The following UBXN8 variants were observed in gnomAD, a reference collection of about 807,000 sequenced individuals.
UBXN8 encodes UBX domain-containing protein 8.
Under a neutral mutation model 32.1 loss-of-function variants are expected in UBXN8, and 27 were observed. The observed-to-expected ratio is 0.84, with a 90% CI of 0.62 to 1.16. UBXN8 has a LOEUF of 1.16. Ranked by LOEUF, UBXN8 falls within the 50% of genes most tolerant of loss-of-function variation. The pLI is 0.00. For missense variants in UBXN8, 306 were observed against 311.4 expected (o/e 0.98, Z 0.13); for synonymous variants, 109 against 111.8 (o/e 0.98, Z 0.16).
chr8:30,744,076 C>A (rs1805284185), upstream of UBXN8: 5 of 883,408 alleles, frequency 5.7e-6, no homozygotes, highest in South Asian at 4.5e-5. Flanking sequence ...TCAGTATTTA[C>A]CACGTTATTG....
chr8:30,760,443 AT>A lies in UBXN8; in HGVS notation c.529-430del, dbSNP rs199634258. Reference sequence around the variant, plus strand: ...ATCATATATATATATATATATATATATTTTTTTTTTTTTTTAAAGTGACAGG... The same window carrying A: ...ATCATATATATATATATATATATATATTTTTTTTTTTTTTAAAGTGACAGG... On this transcript the variant is annotated intron_variant, in intron 5 of 7. Transcript: ENST00000265616. Among the ~76,000 whole-genome samples, 114 of 91,098 alleles carry A rather than the reference AT, an allele frequency of 1.3e-3. 1 individual carries two copies. Among genetic ancestry groups the A allele is most frequent in the African/African-American group, 5.2e-3 (101 of 19,552 alleles). 59.8% of individuals were successfully genotyped at this position (91,098 alleles called of 152,430 possible).
intron 5 of UBXN8, among the ~76,000 whole-genome samples, chr8:30,759,042 C>T (rs1439459293): frequency 3.3e-5 from 5 of 150,982 alleles, no homozygotes; most frequent in African/African-American, 7.3e-5. Flanking sequence ...TACAGGTGCC[C>T]GCCACCACGC....
At chr8:30,765,940 G>A (rs1563568030) in intron 7 of UBXN8, among the ~76,000 whole-genome samples, 1 of 150,808 alleles carries the variant, frequency 6.6e-6, no homozygotes, top group Non-Finnish European at 1.5e-5. Context: ...AACCCAGGTG[G>A]TGGAGGTTTC....
chr8:30,759,625 T>A (rs1018171840), intron 5 of UBXN8, among the ~76,000 whole-genome samples: 1 of 151,776 alleles, frequency 6.6e-6, no homozygotes, highest in African/African-American at 2.4e-5. Flanking sequence ...GGCAGTCACC[T>A]AGGAGTGTGA....
At chr8:30,750,894 T>C (rs2128754148) in intron 1 of UBXN8, among the ~76,000 whole-genome samples, 1 of 152,218 alleles carries the variant, frequency 6.6e-6, no homozygotes, top group African/African-American at 2.4e-5. Context: ...ATCTACAGGC[T>C]TTTTTCCCCG....
intron 1 of UBXN8, among the ~76,000 whole-genome samples, chr8:30,747,892 TTC>T (rs1246716966): frequency 5.0e-5 from 6 of 120,840 alleles, no homozygotes; most frequent in East Asian, 4.2e-4. Flanking sequence ...TATATATTTT[TTC>T]TTTTTTTTTT....
chr8:30,761,466 A>AAC (rs1286729642), intron 6 of UBXN8, among the ~76,000 whole-genome samples: 1 of 152,198 alleles, frequency 6.6e-6, no homozygotes, highest in Non-Finnish European at 1.5e-5. Context: ...GCTGGCCTGG[A>AAC]ACTCCTGACC....
At chr8:30,760,850 AACATGTTT>A in intron 5 of UBXN8, 30 bp from the exon 6 acceptor site, 1 of 1,412,838 alleles carries the variant, frequency 7.1e-7, no homozygotes, top group Non-Finnish European at 9.7e-7. Context: ...TTGCTTGTTG[AACATGTTT>A]ACATTCCTCT....
intron 1 of UBXN8, 179 bp downstream of exon 1, chr8:30,744,456 T>A (rs1805307166): frequency 4.7e-6 from 3 of 643,028 alleles, no homozygotes; most frequent in South Asian, 1.8e-5. Flanking sequence ...ACCTTTTCCC[T>A]CCAGGTGTGA....
chr8:30,764,272 G>A (rs1340633570), intron 7 of UBXN8, among the ~76,000 whole-genome samples: 1 of 152,092 alleles, frequency 6.6e-6, no homozygotes, highest in Non-Finnish European at 1.5e-5. Context: ...TAAAAATTCC[G>A]GCCAGGTGCG....
chr8:30,731,736 C>A (rs12548190), upstream of UBXN8, among the ~76,000 whole-genome samples: 1 of 151,962 alleles, frequency 6.6e-6, no homozygotes, highest in Non-Finnish European at 1.5e-5. Flanking sequence ...AAGTTAAGCC[C>A]GGGGCCCAGC....
chr8:30,750,314 A>G (rs1371575503), intron 1 of UBXN8, among the ~76,000 whole-genome samples: 1 of 152,102 alleles, frequency 6.6e-6, no homozygotes, highest in Non-Finnish European at 1.5e-5. Context: ...TCTACAAAAA[A>G]TACAGAAATT....
chr8:30,729,186 C>G (rs1435007664), upstream of UBXN8, among the ~76,000 whole-genome samples: 1 of 152,230 alleles, frequency 6.6e-6, no homozygotes, highest in African/African-American at 2.4e-5. Flanking sequence ...GAACTCCCGC[C>G]AGCTTGAGCG....
chr8:30,755,573 G>A (rs1441707194), intron 4 of UBXN8, among the ~76,000 whole-genome samples: 4 of 132,042 alleles, frequency 3.0e-5, no homozygotes, highest in African/African-American at 1.1e-4. Context: ...GGCAACATAG[G>A]AAGACCCTGT....
intron 7 of UBXN8, among the ~76,000 whole-genome samples, chr8:30,765,718 T>C (rs1472702767): frequency 2.6e-5 from 4 of 151,932 alleles, no homozygotes; most frequent in African/African-American, 9.7e-5. Flanking sequence ...CACGCCTGGC[T>C]AATTTTTGGC....
intron 7 of UBXN8, among the ~76,000 whole-genome samples, chr8:30,764,553 G>A (rs1015889480): frequency 1.3e-4 from 20 of 152,076 alleles, no homozygotes; most frequent in African/African-American, 4.6e-4. Flanking sequence ...GACTGGCAGG[G>A]AAAGAAACAC....
At chr8:30,736,339 C>G (rs142612245) in intron 1 of UBXN8, among the ~76,000 whole-genome samples, 6 of 152,308 alleles carry the variant, frequency 3.9e-5, no homozygotes, top group Admixed American at 2.6e-4. Flanking sequence ...ATCTCTTTCA[C>G]GCTTTTGATC....
At chr8:30,755,599 AT>A (rs1388000922) in intron 4 of UBXN8, among the ~76,000 whole-genome samples, 3 of 141,504 alleles carry the variant, frequency 2.1e-5, no homozygotes, top group African/African-American at 7.8e-5. Flanking sequence ...CAAAAAAAAA[AT>A]TAAAAATTAG....
chr8:30,731,101 A>C (rs1052508316), upstream of UBXN8, among the ~76,000 whole-genome samples: 3 of 152,228 alleles, frequency 2.0e-5, no homozygotes, highest in African/African-American at 4.8e-5. Flanking sequence ...AAGAAATAGG[A>C]CATTGGAAGA....
Sources: allele counts gnomAD v4.1 joint callset (sites outside exome capture counted in the v4.1 genomes callset), GRCh38; gene constraint gnomAD v4.1.1; transcripts MANE v1.5; gene names NCBI Gene and HGNC (gene_info 2026-07-23, HGNC 2026-07-21).